Variants in PCM1 observed in about 807,000 individuals in gnomAD.
PCM1 encodes pericentriolar material 1 protein.
Under a neutral mutation model 241.9 loss-of-function variants are expected in PCM1, and 157 were observed. The ratio of observed to expected loss-of-function variants is 0.65; its 90% CI spans 0.57 to 0.74. The LOEUF (loss-of-function observed/expected upper bound fraction) is 0.74. Ranked by LOEUF, PCM1 falls within the 30% of genes least tolerant of loss-of-function variation. The probability of loss-of-function intolerance (pLI) is 0.00; values close to 1 mark genes in which losing one functional copy is unlikely to be tolerated. For missense variants in PCM1, 3,478 were observed against 2,360.1 expected, an observed-to-expected ratio of 1.47 and a Z score of -9.81; for synonymous variants, 1,085 against 784.9, an observed-to-expected ratio of 1.38 and a Z score of -6.39.
chr8:18,006,172 T>C (rs780915965), intron 29 of PCM1, 91 bp from the exon 30 acceptor site: 34 of 1,044,830 alleles, frequency 3.3e-5, no homozygotes, highest in Non-Finnish European at 4.4e-5. Context: ...GGCAAGAAAA[T>C]TAAAAATTAA....
chr8:17,939,656 T>A, intron 5 of PCM1, 35 bp from the exon 6 acceptor site: 1 of 1,341,150 alleles, frequency 7.5e-7, no homozygotes, highest in East Asian at 2.5e-5. Context: ...TTGTGTACTT[T>A]CATGCTTTTT....
chr8:17,985,126 A>G (rs1371346031), intron 24 of PCM1, among the ~76,000 whole-genome samples: 1 of 151,766 alleles, frequency 6.6e-6, no homozygotes, highest in African/African-American at 2.4e-5. Context: ...GTGTTGAAAG[A>G]TTTTCACTGA....
intron 5 of PCM1, among the ~76,000 whole-genome samples, chr8:17,939,481 A>G (rs2061408463): frequency 1.3e-5 from 2 of 152,146 alleles, no homozygotes. Context: ...ATTGACAGTG[A>G]TTGGAGTTTT....
In PCM1 at chr8:17,963,080, CTGG is replaced by C; in HGVS notation, c.2464-19_2464-17del. 1 of 1,560,214 alleles carries C rather than the reference CTGG, an allele frequency of 6.4e-7. No homozygotes were observed. The highest frequency in any genetic ancestry group is 8.7e-7 in the Non-Finnish European group (1 of 1,146,854). ...AGCAAATCCAAATATTTATTTAACT[CTGG>C]TTTCTTAAAAAAAATAGTTGTGGTC... On this transcript the variant is annotated intron_variant, in intron 16 of 38. Coordinates refer to ENST00000325083, the MANE Select transcript of PCM1 (RefSeq NM_006197.4).
intron 2 of PCM1, among the ~76,000 whole-genome samples, chr8:17,929,102 GT>G (rs2058145933): frequency 6.6e-6 from 1 of 151,864 alleles, no homozygotes; most frequent in Non-Finnish European, 1.5e-5. Flanking sequence ...ATACATTCCA[GT>G]TATGGAATTG....
At chr8:17,982,813 G>A (rs538207572) in intron 24 of PCM1, among the ~76,000 whole-genome samples, 1 of 152,124 alleles carries the variant, frequency 6.6e-6, no homozygotes, top group African/African-American at 2.4e-5. Flanking sequence ...TTTATTTTTA[G>A]TTTTAATCAT....
rs1367998803 is a variant in PCM1, at chr8:17,948,326, A to G, written c.961+963A>G. Among the ~76,000 whole-genome samples, 3 of 108,594 alleles carry G rather than the reference A, an allele frequency of 2.8e-5. 1 individual carries two copies. The highest frequency in any genetic ancestry group is 1.2e-4 in the Admixed American group (1 of 8,234). 71.2% of individuals were successfully genotyped at this position (108,594 alleles called of 152,430 possible). On this transcript the variant is annotated intron_variant, in intron 7 of 38. Coordinates refer to ENST00000325083, the MANE Select transcript of PCM1 (RefSeq NM_006197.4). ...TTTTTTTTTTTTTTTTTTTTTGGAG[A>G]CAGAGTTTTGCTCTGTTGCCCAGGC... is the stretch of plus-strand genomic sequence containing the variant.
At chr8:18,005,780 G>T (rs2091121275) in intron 29 of PCM1, among the ~76,000 whole-genome samples, 1 of 152,202 alleles carries the variant, frequency 6.6e-6, no homozygotes, top group Middle Eastern at 3.4e-3. Flanking sequence ...CTGGCATCTA[G>T]TGGGTAGAGG....
intron 8 of PCM1, among the ~76,000 whole-genome samples, chr8:17,951,901 A>G (rs1322931169): frequency 6.6e-6 from 1 of 152,100 alleles, no homozygotes; most frequent in African/African-American, 2.4e-5. Flanking sequence ...GCCCTAGTGG[A>G]TTCTTGCAAA....
chr8:17,960,521 G>GTTTTTTT, intron 15 of PCM1, 77 bp downstream of exon 15: 1 of 485,782 alleles, frequency 2.1e-6, no homozygotes, highest in Non-Finnish European at 3.1e-6. Flanking sequence ...ACTCTTTTTT[G>GTTTTTTT]TTTTTGTTTT....
rs1223265069 is a variant in PCM1, at chr8:17,985,565, G to A, written c.4227G>A (p.Glu1409=). The change falls in exon 25 of 39, where the codon GAG becomes GAA. Residue 1409 remains glutamate, a synonymous_variant. Transcript: ENST00000325083. ...RPHFLIELFH[E]LQLLNTDYLR... ...ATTTTCTTATTGAACTCTTCCATGA[G>A]CTGCAGCTACTAAACACAGACTACT... The A allele has an allele frequency of 1.1e-5, 17 of 1,606,198 alleles. 1 individual carries two copies. The highest frequency in any genetic ancestry group is 1.4e-5 in the Non-Finnish European group (17 of 1,175,688).
At chr8:17,955,996 C>G (rs201795966) in intron 10 of PCM1, 2 of 298,310 alleles carry the variant, frequency 6.7e-6, no homozygotes, top group Non-Finnish European at 1.3e-5. Flanking sequence ...GCTGTGTTAC[C>G]CTGTACAAAT....
intron 29 of PCM1, 128 bp downstream of exon 29, chr8:17,993,747 T>G: frequency 1.5e-6 from 1 of 658,928 alleles, no homozygotes. Context: ...CACCCATAAT[T>G]TTTTCACCCT....
chr8:18,027,861 T>TG lies in PCM1; in HGVS notation c.*200dup. On this transcript the variant is annotated 3_prime_UTR_variant, in exon 39 of 39. Coordinates refer to ENST00000325083, the MANE Select transcript of PCM1 (RefSeq NM_006197.4). ...GACAGATTTAAGCCTTGACACACTG[T>TG]GTTTTTTTTTTTTTCCCCCTTCTTT... 4 of 399,916 alleles carry TG rather than the reference T, an allele frequency of 1.0e-5. No individual in the cohort carries two copies. Among genetic ancestry groups the TG allele is most frequent in the African/African-American group, 6.3e-5 (3 of 47,956 alleles). 24.8% of individuals were successfully genotyped at this position (399,916 alleles called of 1,614,324 possible).
chr8:17,993,725 C>T (rs2085600695), intron 29 of PCM1, 106 bp downstream of exon 29: 2 of 908,782 alleles, frequency 2.2e-6, no homozygotes, highest in East Asian at 5.7e-5. Context: ...TAAACAACAA[C>T]AAAAAAACTA....
Position 18,022,987 on chromosome 8 carries a change from G to GT in PCM1, c.5842-2367dup, listed in dbSNP as rs201095931. The stretch of plus-strand genomic sequence containing the variant: ...GTACCCATGTGTAATACATAGAAGT[G>GT]TTTTTTTATTCCTCTTTCTATTTAA... On this transcript the variant is annotated intron_variant, in intron 36 of 38. Coordinates refer to ENST00000325083, the MANE Select transcript of PCM1 (RefSeq NM_006197.4). 6.9e-3 allele frequency among the ~76,000 whole-genome samples: 1,051 copies of GT among 152,250 alleles called. 12 individuals are homozygous for GT. The highest frequency in any genetic ancestry group is 0.024 in the African/African-American group (982 of 41,540).
rs190734999 is a variant in PCM1, at chr8:17,953,009, C to G, written c.1111C>G (p.Leu371Val). Residue 371 changes from leucine (L) to valine (V), a missense_variant, in exon 9 of 39, where the codon CTT (leucine) becomes GTT (valine). Transcript: ENST00000325083. ...AGACAATAGAAGACAGGCAGAAAGT[C>G]TTTCATTAACTAGGGAGGTTTCCCA... ...VPDNRRQAES[L>V]SLTREVSQSR... is the part of the protein sequence containing the mutation. 4 of 1,606,146 alleles carry G rather than the reference C, an allele frequency of 2.5e-6. No individual in the cohort carries two copies. The highest frequency in any genetic ancestry group is 3.4e-6 in the Non-Finnish European group (4 of 1,175,958).
intron 13 of PCM1, among the ~76,000 whole-genome samples, chr8:17,959,622 C>G (rs1034788073): frequency 6.6e-6 from 1 of 151,964 alleles, no homozygotes; most frequent in Non-Finnish European, 1.5e-5. Flanking sequence ...ATTTATATTT[C>G]TATATGTATA....
chr8:18,021,656 T>C (rs367607453), intron 36 of PCM1, among the ~76,000 whole-genome samples: 44 of 152,342 alleles, frequency 2.9e-4, no homozygotes, highest in African/African-American at 9.6e-4. Flanking sequence ...CCATTGGCCT[T>C]GTCATCCTCG....
Sources: allele counts gnomAD v4.1 joint callset (sites outside exome capture counted in the v4.1 genomes callset), GRCh38; gene constraint gnomAD v4.1.1; transcripts MANE v1.5; gene names NCBI Gene and HGNC (gene_info 2026-07-23, HGNC 2026-07-21).